Variants in GAA observed in about 807,000 individuals in gnomAD.
The protein encoded by GAA is alpha glucosidase, also known as lysosomal alpha-glucosidase.
In GAA, 88 loss-of-function variants were observed where a neutral mutation model predicts 103.9. That is an observed-to-expected ratio of 0.85 (90% CI 0.71 to 1.01). The LOEUF is 1.01. Among genes scored for constraint, GAA ranks in the 50% least tolerant of loss-of-function variants. The pLI is 0.00. For missense variants in GAA, 1,350 were observed against 1,305.3 expected (o/e 1.03, Z -0.53); for synonymous variants, 572 against 563.1 (o/e 1.02, Z -0.22).
chr17:80,109,284 G>C (rs1283114674), intron 8 of GAA, among the ~76,000 whole-genome samples: 2 of 152,186 alleles, frequency 1.3e-5, no homozygotes, highest in African/African-American at 4.8e-5. Context: ...TGGCACCACA[G>C]AGCGGAGACT....
intron 12 of GAA, chr17:80,112,372 G>C (rs1053267140): frequency 7.4e-6 from 5 of 676,614 alleles, no homozygotes; most frequent in Admixed American, 2.5e-5. Flanking sequence ...TGTGAGGCTG[G>C]GGGGGGTCCT....
At chr17:80,103,075 G>A (rs1384282952) in intron 1 of GAA, among the ~76,000 whole-genome samples, 5 of 152,356 alleles carry the variant, frequency 3.3e-5, no homozygotes, top group South Asian at 4.1e-4. Flanking sequence ...GGAACACCAC[G>A]TCCGGCCGGG....
intron 15 of GAA, among the ~76,000 whole-genome samples, chr17:80,114,526 T>C (rs1273791185): frequency 6.6e-6 from 1 of 152,126 alleles, no homozygotes; most frequent in Non-Finnish European, 1.5e-5. Context: ...ATAAAAAAGC[T>C]TTGCTTCTAT....
Position 80,104,428 on chromosome 17 carries a change from G to C in GAA, c.-32-127G>C. ...TAGACAGCAGGGCAACACCCACCCTGGCCACCTTACCCCACCTGCCTGGGT... is the reference window on the plus strand; with the variant it reads ...TAGACAGCAGGGCAACACCCACCCTCGCCACCTTACCCCACCTGCCTGGGT... On this transcript the variant is annotated intron_variant, in intron 1 of 19. Transcript: ENST00000302262. This position sits in a 1 kb window ranked among gnomAD's most constrained non-coding sequence, Gnocchi z 4.0. 3 of 667,066 alleles carry C rather than the reference G, an allele frequency of 4.5e-6. No individual in the cohort carries two copies. Among genetic ancestry groups the C allele is most frequent in the South Asian group, 3.8e-5 (2 of 52,304 alleles). 41.3% of individuals were successfully genotyped at this position (667,066 alleles called of 1,614,324 possible). A position where few individuals can be genotyped will look rare whatever the true frequency, so the allele number is the denominator to read the frequency against.
At chr17:80,114,063 A>G (rs1305123499) in intron 15 of GAA, among the ~76,000 whole-genome samples, 9 of 144,266 alleles carry the variant, frequency 6.2e-5, no homozygotes, top group Non-Finnish European at 1.0e-4. Context: ...GTGAATGTGT[A>G]TCTCTGGGGA....
rs766398206 is a variant in GAA at position 80,111,990 on chromosome 17, T to TG, written c.1650dup (p.Thr551AspfsTer85). The TG allele has an allele frequency of 5.0e-6, 8 of 1,613,428 alleles. No homozygotes were observed. In the African/African-American group the frequency reaches 8.0e-5, roughly 16 times the overall value. Reference sequence around the variant, plus strand: ...AGCCCCCGCCTCTTCCAGGGGTGGTTGGGGGGACCCTCCAGGCGGCCACCA... The same window carrying TG: ...AGCCCCCGCCTCTTCCAGGGGTGGTTGGGGGGGACCCTCCAGGCGGCCACCA... On this transcript the variant is annotated frameshift_variant, in exon 12 of 20. Transcript: ENST00000302262. LOFTEE classifies it high-confidence loss of function.
At chr17:80,103,082 C>G (rs559422979) in intron 1 of GAA, among the ~76,000 whole-genome samples, 1 of 152,350 alleles carries the variant, frequency 6.6e-6, no homozygotes, top group South Asian at 2.1e-4. Context: ...CACGTCCGGC[C>G]GGGGGCAGAG....
rs762267535 is a variant in GAA at position 80,105,119 on chromosome 17, G to A, written c.533G>A (p.Arg178His). 3.2e-5 allele frequency: 52 copies of A among 1,606,866 alleles called. No individual in the cohort carries two copies. The highest frequency in any genetic ancestry group is 1.6e-4 in the Middle Eastern group (1 of 6,070). ...GACGTGATGATGGAGACTGAGAACC[G>A]CCTCCACTTCACGGTGGGCAGGGCA... ...RLDVMMETEN[R>H]LHFTIKDPAN... Residue 178 changes from arginine to histidine, a missense_variant, in exon 2 of 20, where the codon CGC (arginine) becomes CAC (histidine). Physicochemically the swap from Arg to His is conservative, Grantham distance 29. Transcript: ENST00000302262.
Position 80,113,355 on chromosome 17 carries a change from C to G in GAA, c.2178C>G (p.Pro726=). The change falls in exon 15 of 20, where the codon CCC becomes CCG. Residue 726 remains proline, a synonymous_variant. Coordinates refer to ENST00000302262, the MANE Select transcript of GAA (RefSeq NM_000152.5). Reference sequence around the variant, plus strand: ...TCGCGGGGGAGACCGTGGCCCGGCCCCTCTTCCTGGAGTGAGTGACCTAGG... The same window carrying G: ...TCGCGGGGGAGACCGTGGCCCGGCCGCTCTTCCTGGAGTGAGTGACCTAGG... ...AHVAGETVAR[P]LFLEFPKDSS... The G allele has an allele frequency of 6.3e-7, 1 of 1,582,160 alleles. No individual in the cohort carries two copies. The highest frequency in any genetic ancestry group is 8.6e-7 in the Non-Finnish European group (1 of 1,162,988).
intron 11 of GAA, 152 bp downstream of exon 11, chr17:80,111,177 G>A: frequency 1.2e-6 from 1 of 819,568 alleles, no homozygotes. Flanking sequence ...GCTCAGGCTG[G>A]GAGACTCAGC....
In GAA at chr17:80,106,632, A is replaced by T. The variant is rs182306846; in HGVS notation, c.692+738A>T. ...CAAGAGAAGTTTCTCAAAGCATCTT[A>T]TCAAGCTAGGTATGGTGGTTCATGT... is the stretch of plus-strand genomic sequence containing the variant. On this transcript the variant is annotated intron_variant, in intron 3 of 19. Transcript: ENST00000302262. Among the ~76,000 whole-genome samples the T allele has an allele frequency of 4.5e-4, 68 of 152,348 alleles. 2 individuals carry two copies. The East Asian group carries it at 0.013, about 29-fold the overall frequency.
rs780411674 is a variant in GAA, at chr17:80,104,413, G to A, written c.-32-142G>A. On this transcript the variant is annotated intron_variant, in intron 1 of 19. Coordinates refer to ENST00000302262, the MANE Select transcript of GAA (RefSeq NM_000152.5). The surrounding 1 kb of genome is among the most constrained non-coding windows in gnomAD (Gnocchi z 4.0). ...GCCCTCTCCCCAGTCTAGACAGCAG[G>A]GCAACACCCACCCTGGCCACCTTAC... The A allele has an allele frequency of 4.8e-6, 3 of 626,874 alleles. No individual in the cohort carries two copies. The highest frequency in any genetic ancestry group is 5.6e-6 in the Non-Finnish European group (2 of 360,316). 38.8% of individuals were successfully genotyped at this position (626,874 alleles called of 1,614,324 possible). A position where few individuals can be genotyped will look rare whatever the true frequency, so the allele number is the denominator to read the frequency against.
At chr17:80,114,155 A>G (rs1301010158) in intron 15 of GAA, among the ~76,000 whole-genome samples, 1 of 152,124 alleles carries the variant, frequency 6.6e-6, no homozygotes, top group Non-Finnish European at 1.5e-5. Flanking sequence ...ATCTCTGAAT[A>G]TAAACACAAA....
chr17:80,107,457 G>T (rs1481701707), intron 3 of GAA, 100 bp from the exon 4 acceptor site: 13 of 1,522,368 alleles, frequency 8.5e-6, no homozygotes, highest in South Asian at 1.1e-5. Context: ...AGGCCACTCC[G>T]CCCTCCCAGG....
At position 80,119,513 on chromosome 17, in the gene GAA, A is replaced by G. The variant is rs2039436996; in HGVS notation, c.*182A>G. 11 of 651,464 alleles carry G rather than the reference A, an allele frequency of 1.7e-5. No individual in the cohort carries two copies. The highest frequency in any genetic ancestry group is 8.5e-5 in the Admixed American group (4 of 47,172). The allele number at this position is 651,464 out of a possible 1,614,324, so 40.4% of individuals were successfully genotyped here. On this transcript the variant is annotated 3_prime_UTR_variant, in exon 20 of 20. Coordinates refer to ENST00000302262, the MANE Select transcript of GAA (RefSeq NM_000152.5). ...TCCTGGGCCGGGGCTCTGGCCCCCAACGTGTCTAGGAGAGCTTTCTCCCTA... is the reference window on the plus strand; with the variant it reads ...TCCTGGGCCGGGGCTCTGGCCCCCAGCGTGTCTAGGAGAGCTTTCTCCCTA...
rs1426801060 is a variant in GAA, at chr17:80,105,753, A to G, written c.551A>G (p.Lys184Arg). 6.2e-7 allele frequency: 1 copy of G among 1,612,364 alleles called. No homozygotes were observed. The highest frequency in any genetic ancestry group is 2.2e-5 in the East Asian group (1 of 44,894). ...ETENRLHFTIKDPANRRYEVP... is the reference protein window; with the variant it reads ...ETENRLHFTIRDPANRRYEVP... ...ATAAACCCCCATCTCTTCTAGATCA[A>G]AGATCCAGCTAACAGGCGCTACGAG... Residue 184 changes from lysine to arginine, a missense_variant, in exon 3 of 20, where the codon AAA becomes AGA. By Grantham distance (26) the Lys-to-Arg change is conservative (BLOSUM62 2). Coordinates refer to ENST00000302262, the MANE Select transcript of GAA (RefSeq NM_000152.5).
At chr17:80,106,522 G>A (rs997696713) in intron 3 of GAA, among the ~76,000 whole-genome samples, 11 of 151,918 alleles carry the variant, frequency 7.2e-5, no homozygotes, top group African/African-American at 2.2e-4. Flanking sequence ...AGGAGTGGGG[G>A]GTGGGGAGGC....
intron 9 of GAA, 23 bp downstream of exon 9, chr17:80,110,078 G>A (rs373158986): frequency 1.0e-5 from 16 of 1,597,048 alleles, no homozygotes; most frequent in East Asian, 8.9e-5. Flanking sequence ...TCCAGGGGAC[G>A]GGGGTTAGAA....
At chr17:80,118,940 G>A (rs1481549009) in intron 19 of GAA, 135 bp downstream of exon 19, 2 of 1,122,668 alleles carry the variant, frequency 1.8e-6, no homozygotes, top group African/African-American at 1.5e-5. Flanking sequence ...TTGGGGAGGA[G>A]TGGGAAGGGT....
Sources: allele counts gnomAD v4.1 joint callset (sites outside exome capture counted in the v4.1 genomes callset), GRCh38; gene constraint gnomAD v4.1.1; non-coding constraint Gnocchi (gnomAD v3.1); transcripts MANE v1.5; gene names NCBI Gene and HGNC (gene_info 2026-07-23, HGNC 2026-07-21).